The following TFAP2A variants were observed in gnomAD, a reference collection of about 807,000 sequenced individuals.
TFAP2A encodes the protein transcription factor AP-2-alpha.
A neutral mutation model predicts 41.5 loss-of-function variants in TFAP2A; 7 were observed. That is an observed-to-expected ratio of 0.17 (90% CI 0.10 to 0.32). TFAP2A has a LOEUF of 0.32. Ranked by LOEUF, TFAP2A falls within the 10% of genes least tolerant of loss-of-function variation. The probability of loss-of-function intolerance (pLI) is 1.00; values close to 1 mark genes in which losing one functional copy is unlikely to be tolerated. For missense variants in TFAP2A, 416 were observed against 563.3 expected (o/e 0.74, Z 2.65); for synonymous variants, 247 against 242.8 (o/e 1.02, Z -0.16).
In TFAP2A at chr6:10,398,435, C is replaced by T. The variant is rs374310228; in HGVS notation, c.1302G>A (p.Glu434=). The part of the protein sequence containing the change: ...TDNNAKSSDK[E]EKHRK ...GAGAGCCTCACTTTCTGTGCTTCTC[C>T]TCTTTGTCACTGCTTTTGGCGTTGT... The change falls in exon 7 of 7, where the codon GAG becomes GAA. Residue 434 remains glutamate (E), a synonymous_variant. Coordinates refer to ENST00000379613, the MANE Select transcript of TFAP2A (RefSeq NM_001372066.1). This position sits in a 1 kb window ranked among gnomAD's most constrained non-coding sequence, Gnocchi z 5.3. 1.1e-4 allele frequency: 172 copies of T among 1,614,088 alleles called. No individual in the cohort carries two copies. The highest frequency in any genetic ancestry group is 1.4e-4 in the Non-Finnish European group (164 of 1,180,042).
chr6:10,410,114 C>T lies in TFAP2A; in HGVS notation c.273G>A (p.Pro91=), dbSNP rs773687604. The part of the protein sequence containing the change: ...PYSLNPLHAQ[P]QPQHPGWPGQ... ...CGGGCCAGCCTGGGTGCTGCGGCTG[C>T]GGCTGGGCGTGCAGGGGGTTCAGGC... Residue 91 remains proline, a synonymous_variant, in exon 2 of 7, where the codon CCG becomes CCA. Transcript: ENST00000379613. The T allele has an allele frequency of 3.7e-6, 6 of 1,608,970 alleles. No individual in the cohort carries two copies. Among genetic ancestry groups the T allele is most frequent in the Non-Finnish European group, 5.1e-6 (6 of 1,178,316 alleles).
intron 3 of TFAP2A, chr6:10,405,914 C>G (rs2114019333): frequency 6.6e-6 from 1 of 152,310 alleles, no homozygotes; most frequent in South Asian, 2.1e-4. Flanking sequence ...ATCATGTCGA[C>G]TTGGAAAGAG....
intron 1 of TFAP2A, chr6:10,412,669 G>T (rs771855642): frequency 2.6e-5 from 9 of 340,426 alleles, no homozygotes; most frequent in Non-Finnish European, 5.4e-5. Flanking sequence ...GGCGCTCGTG[G>T]GGCTCTCGGC....
upstream of TFAP2A, chr6:10,415,420 C>T (rs1248828014): frequency 2.4e-6 from 1 of 423,054 alleles, no homozygotes; most frequent in Non-Finnish European, 3.7e-6. Flanking sequence ...GCTTCTAGAG[C>T]GCACTCCAGC....
upstream of TFAP2A, chr6:10,415,481 A>C: frequency 4.0e-6 from 1 of 249,840 alleles, no homozygotes; most frequent in Non-Finnish European, 8.0e-6. Flanking sequence ...CCCTGCCCCA[A>C]CACCCCCTCT....
chr6:10,397,792 A>C lies in TFAP2A; in HGVS notation c.*625T>G. 1 of 937,554 alleles carries C rather than the reference A, an allele frequency of 1.1e-6. No homozygotes were observed. The highest frequency in any genetic ancestry group is 4.9e-5 in the South Asian group (1 of 20,286). The allele number at this position is 937,554 out of a possible 1,614,324, so 58.1% of individuals were successfully genotyped here. ...CGAATCGTGTTGCCAGAGAAAGTTC[A>C]AGTTGGTCGCTTTACCTTAAAGAGG... On this transcript the variant is annotated 3_prime_UTR_variant, in exon 7 of 7. Transcript: ENST00000379613.
At chr6:10,412,250 T>C (rs1415138295) in intron 1 of TFAP2A, 1 of 985,712 alleles carries the variant, frequency 1.0e-6, no homozygotes, top group Non-Finnish European at 1.2e-6. Flanking sequence ...GCGCGGCGTC[T>C]GGCGAATCAC....
At chr6:10,402,260 G>A (rs1382077117) in intron 5 of TFAP2A, 3 of 611,990 alleles carry the variant, frequency 4.9e-6, no homozygotes, top group Non-Finnish European at 9.4e-6. Context: ...TCAGAATTAG[G>A]CTGGGGAGGT....
intron 1 of TFAP2A, chr6:10,412,513 C>CCGGAGCGCA: frequency 1.0e-5 from 1 of 97,298 alleles, no homozygotes; most frequent in South Asian, 2.3e-4. Flanking sequence ...GGGGGCCCAG[C>CCGGAGCGCA]CGGAGCGCAC....
chr6:10,406,758 A>G, intron 3 of TFAP2A, 35 bp downstream of exon 3: 1 of 1,577,152 alleles, frequency 6.3e-7, no homozygotes, highest in Non-Finnish European at 8.7e-7. Flanking sequence ...TCTGCCTGTA[A>G]GGACATGCTT....
In TFAP2A at chr6:10,398,254, G is replaced by C. The variant is rs1033048391; in HGVS notation, c.*163C>G. ...CACTGACAGTCGAGAGGGCAGTCCC[G>C]GAGACTCGGGGGGACCCAAGGGCAG... is the stretch of plus-strand genomic sequence containing the variant. On this transcript the variant is annotated 3_prime_UTR_variant, in exon 7 of 7. Coordinates refer to ENST00000379613, the MANE Select transcript of TFAP2A (RefSeq NM_001372066.1). The surrounding 1 kb of genome is among the most constrained non-coding windows in gnomAD (Gnocchi z 5.3). 2.0e-6 allele frequency: 3 copies of C among 1,531,538 alleles called. No homozygotes were observed. The highest frequency in any genetic ancestry group is 2.7e-5 in the African/African-American group (2 of 73,830). 94.9% of individuals were successfully genotyped at this position (1,531,538 alleles called of 1,614,324 possible).
At position 10,399,363 on chromosome 6, in the gene TFAP2A, A is replaced by G. The variant is rs564196687; in HGVS notation, c.1032-658T>C. On this transcript the variant is annotated intron_variant, in intron 6 of 6. Coordinates refer to ENST00000379613, the MANE Select transcript of TFAP2A (RefSeq NM_001372066.1). ...TTGGGAAGAAGAAACAGACATTTCG[A>G]TTTCCCATTCCTCCTCTTTCCCCAC... Among the ~76,000 whole-genome samples, 12 of 152,350 alleles carry G rather than the reference A, an allele frequency of 7.9e-5. 1 individual carries two copies. The highest frequency in any genetic ancestry group is 2.9e-4 in the African/African-American group (12 of 41,584).
intron 2 of TFAP2A, chr6:10,407,281 CAGG>C (rs1291307831): frequency 4.4e-6 from 1 of 227,634 alleles, no homozygotes; most frequent in Non-Finnish European, 8.7e-6. Flanking sequence ...GCGGGAGTAA[CAGG>C]AGAGTGTTGG....
chr6:10,403,254 T>C (rs1161371946), intron 4 of TFAP2A, among the ~76,000 whole-genome samples: 1 of 152,230 alleles, frequency 6.6e-6, no homozygotes, highest in Non-Finnish European at 1.5e-5. Context: ...ATTGTTTAAA[T>C]AAAACAGCAA....
rs760145973 is a variant in TFAP2A at position 10,415,021 on chromosome 6, G to C, written c.-30C>G. 6 of 1,614,054 alleles carry C rather than the reference G, an allele frequency of 3.7e-6. No individual in the cohort carries two copies. Among genetic ancestry groups the C allele is most frequent in the African/African-American group, 2.7e-5 (2 of 75,000 alleles). On this transcript the variant is annotated 5_prime_UTR_variant, in exon 1 of 7. Transcript: ENST00000379613. ...CGGCGTGAACGGATATGCCCCTCTC[G>C]GTCTCGCACCCAAGTGGAGCTACTC... is the stretch of plus-strand genomic sequence containing the variant.
At chr6:10,411,653 G>C (rs1035981247) in intron 1 of TFAP2A, 6 of 1,611,380 alleles carry the variant, frequency 3.7e-6, no homozygotes, top group Non-Finnish European at 5.1e-6. Flanking sequence ...AGCCTGGAGC[G>C]CCCGGCTGCC....
At chr6:10,406,068 G>A (rs1242853672) in intron 3 of TFAP2A, 1 of 152,176 alleles carries the variant, frequency 6.6e-6, no homozygotes, top group Non-Finnish European at 1.5e-5. Context: ...TCCTCTGGTG[G>A]TGCCTAGAAT....
At position 10,398,151 on chromosome 6, in the gene TFAP2A, T is replaced by C; in HGVS notation, c.*266A>G. On this transcript the variant is annotated 3_prime_UTR_variant, in exon 7 of 7. Coordinates refer to ENST00000379613, the MANE Select transcript of TFAP2A (RefSeq NM_001372066.1). This position sits in a 1 kb window ranked among gnomAD's most constrained non-coding sequence, Gnocchi z 5.3. ...TGGCTTCACGGCCTGTTCTGTTCTCTTAGGCTCCACATGAGGGCACAGGGG... is the reference window on the plus strand; with the variant it reads ...TGGCTTCACGGCCTGTTCTGTTCTCCTAGGCTCCACATGAGGGCACAGGGG... The C allele has an allele frequency of 1.4e-6, 2 of 1,415,124 alleles. No homozygotes were observed. The highest frequency in any genetic ancestry group is 3.0e-5 in the South Asian group (2 of 67,700). 87.7% of individuals were successfully genotyped at this position (1,415,124 alleles called of 1,614,324 possible).
chr6:10,416,275 C>T (rs1435105395), upstream of TFAP2A: 5 of 152,196 alleles, frequency 3.3e-5, no homozygotes, highest in African/African-American at 1.2e-4. Flanking sequence ...CGGGCGTGCT[C>T]GCGAGGCAGA....
Sources: gnomAD v4.1 joint callset for allele counts (sites outside exome capture counted in the v4.1 genomes callset) on GRCh38, gnomAD v4.1.1 for gene constraint, Gnocchi (gnomAD v3.1) non-coding constraint, MANE v1.5 for transcripts, NCBI Gene and HGNC (gene_info 2026-07-23, HGNC 2026-07-21) for gene names.